GALNT13: variants seen among roughly 807,000 people sequenced by gnomAD.
GALNT13 encodes UDP-GalNAc:polypeptide N-acetylgalactosaminyltransferase 13.
In GALNT13, 28 loss-of-function variants were observed where a neutral mutation model predicts 64.2. That is an observed-to-expected ratio of 0.44 (90% CI 0.32 to 0.60). GALNT13 has a LOEUF of 0.60. GALNT13 is among the 20% of genes least tolerant of loss of function. GALNT13 has a pLI of 0.05. For missense variants in GALNT13, 577 were observed against 669.8 expected (o/e 0.86, Z 1.53); for synonymous variants, 214 against 224.6 (o/e 0.95, Z 0.42).
the GALNT13 span, among the ~76,000 whole-genome samples, chr2:153,766,884 A>G: frequency 0.43 from 65,789 of 151,772 alleles, 15,621 homozygotes; most frequent in African/African-American, 0.62. Context: ...TTTAGGGTCC[A>G]TTATCGGAGT....
the GALNT13 span, among the ~76,000 whole-genome samples, chr2:153,834,684 A>T: frequency 6.6e-6 from 1 of 152,110 alleles, no homozygotes; most frequent in East Asian, 1.9e-4. Context: ...TAAAATGACT[A>T]TTGAGTCACC....
chr2:153,692,859 G>A, the GALNT13 span, among the ~76,000 whole-genome samples: 13 of 152,264 alleles, frequency 8.5e-5, no homozygotes, highest in African/African-American at 3.1e-4. Context: ...ACCAGAGAGT[G>A]GAGAAGAGTA....
chr2:153,148,834 C>T, the GALNT13 span, among the ~76,000 whole-genome samples: 35,104 of 151,664 alleles, frequency 0.23, 4,519 homozygotes, highest in African/African-American at 0.34. Flanking sequence ...AATATAAAAG[C>T]AAACATCAAA....
Position 154,240,628 on chromosome 2 carries a change from C to T in GALNT13, c.312-1402C>T, listed in dbSNP as rs376969478. Among the ~76,000 whole-genome samples the T allele has an allele frequency of 3.3e-5, 5 of 152,200 alleles. No individual in the cohort carries two copies. In the East Asian group the frequency reaches 5.8e-4, roughly 18 times the overall value. On this transcript the variant is annotated intron_variant, in intron 4 of 12. Transcript: ENST00000392825. ...GACGGACGGGCAGGTTGTGGGGCTC[C>T]GACCCCACAGCAGTGTTTAGGGCCC...
At chr2:153,256,081 C>T in the GALNT13 span, among the ~76,000 whole-genome samples, 1 of 152,136 alleles carries the variant, frequency 6.6e-6, no homozygotes, top group Non-Finnish European at 1.5e-5. Flanking sequence ...TGGTTCCATT[C>T]TCCCCATCAC....
the GALNT13 span, among the ~76,000 whole-genome samples, chr2:153,409,333 T>TATGTATATATTCATATGA: frequency 2.6e-4 from 36 of 139,154 alleles, no homozygotes; most frequent in East Asian, 1.8e-3. Flanking sequence ...TATTCATATG[T>TATGTATATATTCATATGA]ATATGTATAT....
chr2:153,873,733 C>T (rs946433129), intron 1 of GALNT13, among the ~76,000 whole-genome samples: 1 of 152,112 alleles, frequency 6.6e-6, no homozygotes, highest in African/African-American at 2.4e-5. Context: ...CACTTGGCTG[C>T]CAAAGCCCCC....
intron 9 of GALNT13, among the ~76,000 whole-genome samples, chr2:154,312,502 G>C (rs1694102691): frequency 6.6e-6 from 1 of 152,126 alleles, no homozygotes; most frequent in South Asian, 2.1e-4. Flanking sequence ...GTATTCTGGT[G>C]ATAAATTATT....
chr2:153,616,519 G>T, the GALNT13 span, among the ~76,000 whole-genome samples: 4 of 151,892 alleles, frequency 2.6e-5, no homozygotes, highest in Non-Finnish European at 5.9e-5. Flanking sequence ...GCTTTGGGTA[G>T]CATTAACATT....
the GALNT13 span, among the ~76,000 whole-genome samples, chr2:153,136,047 C>T: frequency 1.3e-5 from 2 of 152,146 alleles, no homozygotes; most frequent in African/African-American, 4.8e-5. Context: ...TCCCTAGAAA[C>T]TTCTCTCTTA....
chr2:153,277,928 T>TTTTTC, the GALNT13 span, among the ~76,000 whole-genome samples: 1 of 69,222 alleles, frequency 1.4e-5, no homozygotes, highest in African/African-American at 6.0e-5. Flanking sequence ...CTTTTCTTTC[T>TTTTTC]TTTTTTTTTT....
At chr2:154,391,642 T>C (rs1698798104) in intron 9 of GALNT13, among the ~76,000 whole-genome samples, 2 of 152,180 alleles carry the variant, frequency 1.3e-5, no homozygotes, top group South Asian at 4.1e-4. Flanking sequence ...AGCTATCCAA[T>C]GCAATATATG....
chr2:154,002,175 CTTCTGAGCT>C (rs1695955345), intron 3 of GALNT13, among the ~76,000 whole-genome samples: 2 of 151,970 alleles, frequency 1.3e-5, no homozygotes, highest in Admixed American at 1.3e-4. Context: ...TAATTGTTGA[CTTCTGAGCT>C]TTCTATACCT....
chr2:154,099,912 T>C (rs1702262165), intron 3 of GALNT13, among the ~76,000 whole-genome samples: 1 of 152,148 alleles, frequency 6.6e-6, no homozygotes, highest in Non-Finnish European at 1.5e-5. Context: ...CACTCCAGCC[T>C]GGGCAACAGA....
At chr2:154,105,126 C>T (rs541833053) in intron 3 of GALNT13, among the ~76,000 whole-genome samples, 1 of 151,996 alleles carries the variant, frequency 6.6e-6, no homozygotes, top group Non-Finnish European at 1.5e-5. Flanking sequence ...TTGCTACCCT[C>T]CTTTTCTGCA....
chr2:153,730,214 A>G, the GALNT13 span, among the ~76,000 whole-genome samples: 1 of 152,096 alleles, frequency 6.6e-6, no homozygotes, highest in Non-Finnish European at 1.5e-5. Context: ...TATAGTACCG[A>G]AAGAGCATGG....
chr2:153,736,914 C>A, the GALNT13 span, among the ~76,000 whole-genome samples: 5 of 152,218 alleles, frequency 3.3e-5, no homozygotes, highest in African/African-American at 7.2e-5. Flanking sequence ...AGTGCAGTTT[C>A]TCTTTTCCAT....
chr2:154,265,719 A>G lies in GALNT13; in HGVS notation c.975+6581A>G, dbSNP rs1026174921. ...TGTCTCAAAACAAACAAACAAACAA[A>G]TGCTTCCACAAAATTGAAAGGAGGT... On this transcript the variant is annotated intron_variant, in intron 8 of 12. Coordinates refer to ENST00000392825, the MANE Select transcript of GALNT13 (RefSeq NM_052917.4). 3.9e-5 allele frequency among the ~76,000 whole-genome samples: 6 copies of G among 152,176 alleles called. 1 individual carries two copies. Among genetic ancestry groups the G allele is most frequent in the Non-Finnish European group, 4.4e-5 (3 of 67,982 alleles).
chr2:153,137,716 G>C, the GALNT13 span, among the ~76,000 whole-genome samples: 1 of 148,184 alleles, frequency 6.7e-6, no homozygotes, highest in African/African-American at 2.5e-5. Flanking sequence ...GTATATGATG[G>C]AGCCTCAAAA....
Sources: allele counts gnomAD v4.1 joint callset (sites outside exome capture counted in the v4.1 genomes callset), GRCh38; gene constraint gnomAD v4.1.1; transcripts MANE v1.5; gene names NCBI Gene and HGNC (gene_info 2026-07-23, HGNC 2026-07-21).